MAP2K4: variants seen among roughly 807,000 people sequenced by gnomAD.
MAP2K4 encodes mitogen-activated protein kinase kinase 4.
Under a neutral mutation model 48.5 loss-of-function variants are expected in MAP2K4, and 4 were observed. That is an observed-to-expected ratio of 0.08 (90% confidence interval 0.04 to 0.19). MAP2K4 has a LOEUF of 0.19. MAP2K4 is among the 10% of genes least tolerant of loss of function. The pLI is 1.00. For synonymous variants in MAP2K4, 166 were observed against 173.1 expected (o/e 0.96, Z 0.32); for missense variants, 258 against 493.3 (o/e 0.52, Z 4.52).
intron 4 of MAP2K4, among the ~76,000 whole-genome samples, chr17:12,104,564 T>TA (rs910143872): frequency 1.9e-4 from 29 of 151,810 alleles, no homozygotes; most frequent in African/African-American, 4.1e-4. Context: ...AGGCTTTTTT[T>TA]AAAAAAAAAT....
At chr17:12,126,243 A>C (rs1274091349) in intron 8 of MAP2K4, among the ~76,000 whole-genome samples, 1 of 152,242 alleles carries the variant, frequency 6.6e-6, no homozygotes, top group African/African-American at 2.4e-5. Context: ...GTTCTACCTT[A>C]GAACAACACT....
intron 1 of MAP2K4, among the ~76,000 whole-genome samples, chr17:12,034,927 A>G (rs1969547344): frequency 6.6e-6 from 1 of 152,224 alleles, no homozygotes; most frequent in Admixed American, 6.5e-5. Context: ...GTGCTGGCTC[A>G]GACCTCAGTG....
rs541564264 is a variant in MAP2K4 at position 12,039,567 on chromosome 17, A to G, written c.116-15322A>G. 2.0e-5 allele frequency among the ~76,000 whole-genome samples: 3 copies of G among 152,308 alleles called. No homozygotes were observed. The South Asian group carries it at 6.2e-4, about 32-fold the overall frequency. On this transcript the variant is annotated intron_variant, in intron 1 of 10. Coordinates refer to ENST00000353533, the MANE Select transcript of MAP2K4 (RefSeq NM_003010.4). Reference sequence around the variant, plus strand: ...GATGATCATTATTTTATCCACATAAATGTGTTACATGTCTTCTAAGTGATA... The same window carrying G: ...GATGATCATTATTTTATCCACATAAGTGTGTTACATGTCTTCTAAGTGATA...
At chr17:12,029,897 G>A (rs1403307270) in intron 1 of MAP2K4, among the ~76,000 whole-genome samples, 1 of 150,710 alleles carries the variant, frequency 6.6e-6, no homozygotes, top group East Asian at 2.0e-4. Flanking sequence ...CAGCATGAGC[G>A]ACAGCAAGAC....
chr17:12,095,176 C>G (rs529445800), intron 3 of MAP2K4, among the ~76,000 whole-genome samples: 8 of 152,268 alleles, frequency 5.3e-5, no homozygotes, highest in African/African-American at 1.9e-4. Flanking sequence ...AGATTGCATA[C>G]AATTTTGAAA....
At chr17:12,135,400 TA>T (rs972378919) in intron 9 of MAP2K4, among the ~76,000 whole-genome samples, 1 of 151,850 alleles carries the variant, frequency 6.6e-6, no homozygotes. Flanking sequence ...GCTAATTTCT[TA>T]AAAAAATTTT....
intron 2 of MAP2K4, among the ~76,000 whole-genome samples, chr17:12,056,659 G>A (rs1040337694): frequency 1.3e-5 from 2 of 151,992 alleles, no homozygotes; most frequent in Admixed American, 1.3e-4. Context: ...ATTGTTCTGG[G>A]TTAGGAATAG....
At chr17:12,104,426 T>G (rs1190077945) in intron 4 of MAP2K4, among the ~76,000 whole-genome samples, 1 of 152,096 alleles carries the variant, frequency 6.6e-6, no homozygotes, top group Non-Finnish European at 1.5e-5. Flanking sequence ...CTGTCACAGA[T>G]CTCCTTTTAC....
At chr17:12,054,159 G>GA (rs1278087494) in intron 1 of MAP2K4, among the ~76,000 whole-genome samples, 2 of 152,128 alleles carry the variant, frequency 1.3e-5, no homozygotes, top group Non-Finnish European at 2.9e-5. Flanking sequence ...TCTATGTATA[G>GA]AAAAAAGTCT....
At chr17:12,134,745 A>G (rs1597503760) in intron 9 of MAP2K4, among the ~76,000 whole-genome samples, 1 of 152,240 alleles carries the variant, frequency 6.6e-6, no homozygotes, top group Non-Finnish European at 1.5e-5. Flanking sequence ...ATTAAAACAC[A>G]TGCACACAAA....
chr17:12,097,332 C>T (rs139231304), intron 4 of MAP2K4, among the ~76,000 whole-genome samples: 96 of 152,328 alleles, frequency 6.3e-4, no homozygotes, highest in African/African-American at 2.0e-3. Context: ...CCCTAAATCA[C>T]CTCCATAGTG....
chr17:12,140,474 A>T (rs907059820), intron 10 of MAP2K4, among the ~76,000 whole-genome samples: 6 of 152,180 alleles, frequency 3.9e-5, no homozygotes, highest in African/African-American at 1.4e-4. Context: ...TCCACCAATG[A>T]CTGTAAAAAT....
chr17:12,142,804 G>A lies in MAP2K4; in HGVS notation c.*1544G>A. On this transcript the variant is annotated 3_prime_UTR_variant, in exon 11 of 11. Transcript: ENST00000353533. Reference sequence around the variant, plus strand: ...CATTAGGTTTTGCTTGGGCCTCCCTGGCACTGAACCTTAGGCTTTGTATGA... The same window carrying A: ...CATTAGGTTTTGCTTGGGCCTCCCTAGCACTGAACCTTAGGCTTTGTATGA... 1 of 232,856 alleles carries A rather than the reference G, an allele frequency of 4.3e-6. No homozygotes were observed. The highest frequency in any genetic ancestry group is 5.6e-5 in the Admixed American group (1 of 17,784). 14.4% of individuals were successfully genotyped at this position (232,856 alleles called of 1,614,324 possible). A position where few individuals can be genotyped will look rare whatever the true frequency, so the allele number is the denominator to read the frequency against.
intron 1 of MAP2K4, among the ~76,000 whole-genome samples, chr17:12,042,023 A>T (rs1969802840): frequency 6.6e-6 from 1 of 152,158 alleles, no homozygotes; most frequent in East Asian, 1.9e-4. Flanking sequence ...TCTATTAAAA[A>T]TACAAAAATT....
intron 7 of MAP2K4, chr17:12,125,088 G>C: frequency 1.8e-6 from 1 of 547,422 alleles, no homozygotes; most frequent in Non-Finnish European, 3.3e-6. Flanking sequence ...GAATTGCTTA[G>C]TGTTCTCTTT....
At chr17:12,102,655 C>T (rs974633579) in intron 4 of MAP2K4, among the ~76,000 whole-genome samples, 2 of 152,042 alleles carry the variant, frequency 1.3e-5, no homozygotes, top group Non-Finnish European at 2.9e-5. Context: ...TTGAACTTGG[C>T]AATTTCTTTG....
At chr17:12,030,619 AAT>A (rs1269739701) in intron 1 of MAP2K4, among the ~76,000 whole-genome samples, 1 of 152,166 alleles carries the variant, frequency 6.6e-6, no homozygotes, top group African/African-American at 2.4e-5. Context: ...TAAAATTTTT[AAT>A]ATATTATACA....
intron 5 of MAP2K4, among the ~76,000 whole-genome samples, chr17:12,108,962 G>A (rs1972218384): frequency 1.3e-5 from 2 of 151,924 alleles, no homozygotes; most frequent in South Asian, 4.2e-4. Context: ...GTGTTATCTT[G>A]AAACTTACTA....
intron 1 of MAP2K4, among the ~76,000 whole-genome samples, chr17:12,052,463 A>C (rs571430147): frequency 6.6e-6 from 1 of 152,218 alleles, no homozygotes; most frequent in East Asian, 1.9e-4. Flanking sequence ...ATATTCAAGA[A>C]AACAGTTTAA....
Sources: allele counts gnomAD v4.1 joint callset (sites outside exome capture counted in the v4.1 genomes callset), GRCh38; gene constraint gnomAD v4.1.1; transcripts MANE v1.5; gene names NCBI Gene and HGNC (gene_info 2026-07-23, HGNC 2026-07-21).